The following KCNAB2 variants were observed in gnomAD, a reference collection of about 807,000 sequenced individuals.
KCNAB2 encodes potassium voltage-gated channel subfamily A regulatory beta subunit 2, also known as voltage-gated potassium channel subunit beta-2.
Under a neutral mutation model 63.6 loss-of-function variants are expected in KCNAB2, and 29 were observed. The observed-to-expected ratio is 0.46, with a 90% CI of 0.34 to 0.62. KCNAB2 has a LOEUF of 0.62. KCNAB2 is among the 20% of genes least tolerant of loss of function. KCNAB2 has a pLI of 0.01. For missense variants in KCNAB2, 359 were observed against 563.9 expected (o/e 0.64, Z 3.68); for synonymous variants, 222 against 224.2 (o/e 0.99, Z 0.09).
intron 4 of KCNAB2, 91 bp from the exon 5 acceptor site, chr1:6,082,104 C>T (rs948066049): frequency 1.2e-5 from 13 of 1,098,922 alleles, no homozygotes; most frequent in African/African-American, 6.2e-5. Flanking sequence ...GGCCTGGACA[C>T]GGGGAGGCCT....
chr1:6,077,296 C>T (rs1209275682), intron 4 of KCNAB2, among the ~76,000 whole-genome samples: 1 of 152,144 alleles, frequency 6.6e-6, no homozygotes, highest in African/African-American at 2.4e-5. Context: ...CTGCAGTTTT[C>T]TAGGGAAAGG....
chr1:6,052,391 A>T (rs754352049), intron 2 of KCNAB2, among the ~76,000 whole-genome samples: 8 of 151,744 alleles, frequency 5.3e-5, no homozygotes, highest in Non-Finnish European at 1.2e-4. Flanking sequence ...GCACCACTGC[A>T]CTCCAGGCTG....
chr1:6,005,511 A>C (rs1485159936), intron 1 of KCNAB2, among the ~76,000 whole-genome samples: 1 of 145,996 alleles, frequency 6.8e-6, no homozygotes, highest in African/African-American at 2.6e-5. Flanking sequence ...CCTGGTAGGA[A>C]GCCAGCCTGT....
chr1:6,082,122 C>A, intron 4 of KCNAB2, 73 bp from the exon 5 acceptor site: 6 of 1,354,798 alleles, frequency 4.4e-6, no homozygotes, highest in Non-Finnish European at 6.3e-6. Context: ...CCTCCCAGGC[C>A]GAGAGGGTGG....
At chr1:6,076,170 C>T (rs1340375581) in intron 4 of KCNAB2, among the ~76,000 whole-genome samples, 8 of 152,250 alleles carry the variant, frequency 5.3e-5, no homozygotes, top group African/African-American at 1.9e-4. Context: ...GTGAACTGCT[C>T]AGCCCAGTTC....
At chr1:6,063,691 A>C (rs1662512561) in intron 2 of KCNAB2, among the ~76,000 whole-genome samples, 1 of 152,204 alleles carries the variant, frequency 6.6e-6, no homozygotes, top group Admixed American at 6.5e-5. Flanking sequence ...GATTACAGGC[A>C]TGAGCCACCA....
chr1:6,050,676 G>T (rs1184164711), intron 1 of KCNAB2, among the ~76,000 whole-genome samples: 1 of 152,194 alleles, frequency 6.6e-6, no homozygotes, highest in Non-Finnish European at 1.5e-5. Context: ...CCTACTGATG[G>T]ACATTTACAT....
Position 6,052,427 on chromosome 1 carries a change from C to CA in KCNAB2, c.218+688dup, listed in dbSNP as rs55970222. On this transcript the variant is annotated intron_variant, in intron 2 of 15. Coordinates refer to ENST00000378083, the MANE Select transcript of KCNAB2 (RefSeq NM_001199862.2). ...GGTGACAGAGCGAGACTCCATTGCG[C>CA]AAAAAAAAAAAAAAAGTTTAGTAAA... Among the ~76,000 whole-genome samples, 723 of 124,362 alleles carry CA rather than the reference C, an allele frequency of 5.8e-3. 2 individuals are homozygous for CA. The highest frequency in any genetic ancestry group is 0.013 in the Middle Eastern group (3 of 232). The allele number at this position is 124,362 out of a possible 152,430, so 81.6% of individuals were successfully genotyped here. A position where few individuals can be genotyped will look rare whatever the true frequency, so the allele number is the denominator to read the frequency against.
chr1:6,068,926 T>C (rs1662971539), intron 2 of KCNAB2, among the ~76,000 whole-genome samples: 1 of 152,180 alleles, frequency 6.6e-6, no homozygotes, highest in Admixed American at 6.5e-5. Flanking sequence ...CCCAAGGGCC[T>C]AAGGCGTGCT....
chr1:6,011,691 G>A (rs1455960034), intron 1 of KCNAB2, among the ~76,000 whole-genome samples: 2 of 152,266 alleles, frequency 1.3e-5, no homozygotes, highest in Non-Finnish European at 2.9e-5. Context: ...TCTGGTGGCA[G>A]GTTGACAACC....
chr1:6,057,271 C>G (rs1036169701), intron 2 of KCNAB2, among the ~76,000 whole-genome samples: 2 of 151,918 alleles, frequency 1.3e-5, no homozygotes, highest in African/African-American at 4.8e-5. Flanking sequence ...CTTTCTGACT[C>G]TAGATCCCAG....
chr1:6,076,917 G>A (rs976993155), intron 4 of KCNAB2, among the ~76,000 whole-genome samples: 2 of 152,198 alleles, frequency 1.3e-5, no homozygotes, highest in Admixed American at 1.3e-4. Flanking sequence ...TAGGGGCGGT[G>A]GCTCATGCCC....
At chr1:6,013,990 G>C (rs1047447532) in intron 1 of KCNAB2, among the ~76,000 whole-genome samples, 1 of 152,188 alleles carries the variant, frequency 6.6e-6, no homozygotes, top group Non-Finnish European at 1.5e-5. Context: ...ACCAAGGCAG[G>C]CCAGCTTTAC....
At chr1:6,013,182 G>A (rs894870058) in intron 1 of KCNAB2, among the ~76,000 whole-genome samples, 3 of 152,108 alleles carry the variant, frequency 2.0e-5, no homozygotes, top group Non-Finnish European at 4.4e-5. Flanking sequence ...AAGCGTGCTG[G>A]GCACCAATGA....
chr1:6,083,768 C>T (rs1319815322), intron 5 of KCNAB2, among the ~76,000 whole-genome samples: 1 of 152,184 alleles, frequency 6.6e-6, no homozygotes, highest in Non-Finnish European at 1.5e-5. Context: ...GGGGCCAAAC[C>T]CGTATCTTCC....
chr1:6,077,557 GC>G (rs1475620900), intron 4 of KCNAB2, among the ~76,000 whole-genome samples: 43 of 152,342 alleles, frequency 2.8e-4, no homozygotes, highest in Admixed American at 2.6e-4. Flanking sequence ...CTGTCTGCAC[GC>G]CTTCGGGGGT....
chr1:6,086,920 G>A lies in KCNAB2; in HGVS notation c.426-547G>A, dbSNP rs1353890058. ...CCCTTGGTGCCCCTCAAGTTACCCC[G>A]ACCAGGCCGTCCCACACAGATTTTC... On this transcript the variant is annotated intron_variant, in intron 6 of 15. Coordinates refer to ENST00000378083, the MANE Select transcript of KCNAB2 (RefSeq NM_001199862.2). The surrounding 1 kb of genome is among the most constrained non-coding windows in gnomAD (Gnocchi z 4.2). Among the ~76,000 whole-genome samples, 7 of 149,420 alleles carry A rather than the reference G, an allele frequency of 4.7e-5. No individual in the cohort carries two copies. Among genetic ancestry groups the A allele is most frequent in the South Asian group, 4.3e-4 (2 of 4,698 alleles).
chr1:6,077,840 A>G (rs1663808436), intron 4 of KCNAB2, among the ~76,000 whole-genome samples: 1 of 152,206 alleles, frequency 6.6e-6, no homozygotes, highest in Non-Finnish European at 1.5e-5. Flanking sequence ...GACAGGGTAA[A>G]GAGGCAGGCA....
chr1:6,079,096 C>G (rs1400705197), intron 4 of KCNAB2, among the ~76,000 whole-genome samples: 1 of 152,142 alleles, frequency 6.6e-6, no homozygotes, highest in Non-Finnish European at 1.5e-5. Context: ...GGAGGGCTCC[C>G]CAGGGTTTGA....
Sources: allele counts gnomAD v4.1 joint callset (sites outside exome capture counted in the v4.1 genomes callset), GRCh38; gene constraint gnomAD v4.1.1; non-coding constraint Gnocchi (gnomAD v3.1); transcripts MANE v1.5; gene names NCBI Gene and HGNC (gene_info 2026-07-23, HGNC 2026-07-21).